Variants in RAB38 observed in about 807,000 individuals in gnomAD.
RAB38 encodes ras-related protein Rab-38.
In RAB38, 15 loss-of-function variants were observed where a neutral mutation model predicts 18.4. The ratio of observed to expected loss-of-function variants is 0.82; its 90% CI spans 0.55 to 1.26. The LOEUF is 1.26. Among genes scored for constraint, RAB38 ranks in the 50% most tolerant of loss-of-function variants. The pLI is 0.00. For synonymous variants in RAB38, 101 were observed against 104.4 expected, an observed-to-expected ratio of 0.97 and a Z score of 0.20; for missense variants, 294 against 267.4, an observed-to-expected ratio of 1.10 and a Z score of -0.69.
At chr11:87,884,261 T>A in the RAB38 span, among the ~76,000 whole-genome samples, 90 of 151,770 alleles carry the variant, frequency 5.9e-4, 2 homozygotes, top group South Asian at 0.018. Context: ...CTCGTAAGAG[T>A]GGGGATATGT....
the RAB38 span, among the ~76,000 whole-genome samples, chr11:88,072,684 A>G: frequency 1.3e-5 from 2 of 152,180 alleles, no homozygotes; most frequent in Non-Finnish European, 2.9e-5. Flanking sequence ...AACATTTTAA[A>G]CTGAATATTT....
the RAB38 span, among the ~76,000 whole-genome samples, chr11:87,891,288 T>C: frequency 6.6e-6 from 1 of 151,886 alleles, no homozygotes; most frequent in Non-Finnish European, 1.5e-5. Context: ...AAAGGAACTT[T>C]ACAATCTTCT....
the RAB38 span, among the ~76,000 whole-genome samples, chr11:88,037,193 A>G: frequency 6.6e-6 from 1 of 152,046 alleles, no homozygotes; most frequent in African/African-American, 2.4e-5. Flanking sequence ...GTCAATTATG[A>G]TAAATAGTAT....
chr11:88,050,216 T>A, the RAB38 span: 2 of 152,208 alleles, frequency 1.3e-5, no homozygotes, highest in Non-Finnish European at 2.9e-5. Context: ...TAGAAAAAAC[T>A]GTGACATTGT....
chr11:88,020,544 C>T, the RAB38 span, among the ~76,000 whole-genome samples: 2 of 152,056 alleles, frequency 1.3e-5, no homozygotes, highest in African/African-American at 4.8e-5. Flanking sequence ...GACAGGTATC[C>T]CAGACAGAAA....
At chr11:87,976,920 ATAATTACATTATACAAG>A in the RAB38 span, among the ~76,000 whole-genome samples, 2,102 of 2,380 alleles carry the variant, frequency 0.88, 937 homozygotes, top group Middle Eastern at 1. Flanking sequence ...ATTATATATT[ATAATTACATTATACAAG>A]TATATTATAA....
At chr11:87,856,841 G>A in the RAB38 span, among the ~76,000 whole-genome samples, 1 of 152,032 alleles carries the variant, frequency 6.6e-6, no homozygotes, top group African/African-American at 2.4e-5. Flanking sequence ...CTTGATTGAG[G>A]CAGGTGACTT....
At chr11:88,052,935 T>TATATTTCATATATATATATATATC in the RAB38 span, among the ~76,000 whole-genome samples, 46 of 85,788 alleles carry the variant, frequency 5.4e-4, no homozygotes, top group African/African-American at 2.3e-3. Flanking sequence ...TATATATATA[T>TATATTTCATATATATATATATATC]ATATATATAA....
At chr11:87,955,598 C>T in the RAB38 span, among the ~76,000 whole-genome samples, 8 of 152,080 alleles carry the variant, frequency 5.3e-5, 1 homozygote, top group African/African-American at 1.7e-4. Flanking sequence ...GTATAAAGCC[C>T]GTAGCTAACT....
At chr11:88,125,270 T>C (rs1565210451) in intron 2 of RAB38, among the ~76,000 whole-genome samples, 1 of 152,126 alleles carries the variant, frequency 6.6e-6, no homozygotes, top group Non-Finnish European at 1.5e-5. Flanking sequence ...ACAACTGAAC[T>C]CTCCTGTTTC....
intron 2 of RAB38, among the ~76,000 whole-genome samples, chr11:88,147,179 T>C (rs1481133925): frequency 6.6e-6 from 1 of 152,206 alleles, no homozygotes; most frequent in Non-Finnish European, 1.5e-5. Flanking sequence ...CATATATTTA[T>C]GTTTTGTTGT....
the RAB38 span, among the ~76,000 whole-genome samples, chr11:87,837,800 A>G: frequency 2.6e-5 from 4 of 152,216 alleles, no homozygotes; most frequent in Non-Finnish European, 5.9e-5. Context: ...TGCATTTTCC[A>G]TCTTACCAGG....
chr11:88,004,062 C>A, the RAB38 span, among the ~76,000 whole-genome samples: 1 of 139,700 alleles, frequency 7.2e-6, no homozygotes, highest in African/African-American at 2.6e-5. Flanking sequence ...TATATATATA[C>A]CTTCTCAGAA....
the RAB38 span, among the ~76,000 whole-genome samples, chr11:87,932,408 A>T: frequency 6.6e-6 from 1 of 152,062 alleles, no homozygotes; most frequent in Non-Finnish European, 1.5e-5. Flanking sequence ...GAAAGGCATC[A>T]TGAAGAGAAG....
At chr11:87,933,006 T>A in the RAB38 span, among the ~76,000 whole-genome samples, 2 of 152,096 alleles carry the variant, frequency 1.3e-5, no homozygotes, top group Non-Finnish European at 2.9e-5. Context: ...GCCCTATCAA[T>A]GACCTTAAAA....
the RAB38 span, among the ~76,000 whole-genome samples, chr11:87,974,836 G>A: frequency 2.6e-5 from 4 of 151,690 alleles, no homozygotes; most frequent in African/African-American, 9.7e-5. Flanking sequence ...AGCACTCAGA[G>A]ATAAAACAAA....
At chr11:87,964,263 C>A in the RAB38 span, among the ~76,000 whole-genome samples, 1 of 152,084 alleles carries the variant, frequency 6.6e-6, no homozygotes, top group Non-Finnish European at 1.5e-5. Flanking sequence ...GATCAGTCAG[C>A]AGGTCAGCAG....
intron 2 of RAB38, among the ~76,000 whole-genome samples, chr11:88,130,603 T>C (rs1166861453): frequency 6.6e-6 from 1 of 152,202 alleles, no homozygotes; most frequent in Non-Finnish European, 1.5e-5. Flanking sequence ...ACATCTGATC[T>C]TTAGTATAAT....
At chr11:87,909,341 T>C in the RAB38 span, among the ~76,000 whole-genome samples, 3 of 142,982 alleles carry the variant, frequency 2.1e-5, no homozygotes, top group African/African-American at 7.5e-5. Context: ...CTTTCTTACT[T>C]CTCATATTTT....
Sources: allele counts gnomAD v4.1 joint callset (sites outside exome capture counted in the v4.1 genomes callset), GRCh38; gene constraint gnomAD v4.1.1; transcripts MANE v1.5; gene names NCBI Gene and HGNC (gene_info 2026-07-23, HGNC 2026-07-21).